The following SEMA3E variants were observed in gnomAD, a reference collection of about 807,000 sequenced individuals.
The protein encoded by SEMA3E is semaphorin-3E.
In SEMA3E, 49 loss-of-function variants were observed where a neutral mutation model predicts 93.6. That is an observed-to-expected ratio of 0.52 (90% CI 0.42 to 0.66). SEMA3E has a LOEUF of 0.66. SEMA3E is among the 30% of genes least tolerant of loss of function. The pLI is 0.00. For missense variants in SEMA3E, 906 were observed against 964.8 expected, an observed-to-expected ratio of 0.94 and a Z score of 0.81; for synonymous variants, 363 against 330.7, an observed-to-expected ratio of 1.10 and a Z score of -1.06.
At chr7:83,372,960 T>A (rs959966322) in intron 16 of SEMA3E, 1 of 152,186 alleles carries the variant, frequency 6.6e-6, no homozygotes, top group African/African-American at 2.4e-5. Context: ...TACAGAATTG[T>A]TTTCATCCAT....
At chr7:83,533,469 G>A (rs973620034) in intron 1 of SEMA3E, among the ~76,000 whole-genome samples, 2 of 152,100 alleles carry the variant, frequency 1.3e-5, no homozygotes, top group African/African-American at 2.4e-5. Context: ...GCTTGAACCC[G>A]GGAGGCGGAG....
chr7:83,571,228 C>T (rs1792279896), intron 1 of SEMA3E, among the ~76,000 whole-genome samples: 1 of 152,114 alleles, frequency 6.6e-6, no homozygotes, highest in African/African-American at 2.4e-5. Context: ...TCCACAAAGC[C>T]AGCATCATTC....
At chr7:83,642,775 A>C (rs1794031376) in intron 1 of SEMA3E, among the ~76,000 whole-genome samples, 1 of 152,058 alleles carries the variant, frequency 6.6e-6, no homozygotes, top group Non-Finnish European at 1.5e-5. Context: ...CCAAGAAAAT[A>C]ATCTAAATCT....
At chr7:83,368,865 G>A (rs1055081573) in intron 16 of SEMA3E, among the ~76,000 whole-genome samples, 1 of 152,174 alleles carries the variant, frequency 6.6e-6, no homozygotes, top group African/African-American at 2.4e-5. Flanking sequence ...TAAATGATTT[G>A]ACATTAGGCA....
chr7:83,416,066 T>G (rs1317316758), intron 5 of SEMA3E, among the ~76,000 whole-genome samples: 1 of 152,096 alleles, frequency 6.6e-6, no homozygotes, highest in Non-Finnish European at 1.5e-5. Context: ...TTTCACTTCC[T>G]CTCTTTTAAA....
chr7:83,446,278 T>G (rs1357477913), intron 4 of SEMA3E, among the ~76,000 whole-genome samples: 1 of 152,218 alleles, frequency 6.6e-6, no homozygotes, highest in African/African-American at 2.4e-5. Context: ...TAAAAAAGAT[T>G]GACCACATGT....
chr7:83,456,016 A>G (rs2115837618), intron 4 of SEMA3E, among the ~76,000 whole-genome samples: 1 of 152,372 alleles, frequency 6.6e-6, no homozygotes, highest in South Asian at 2.1e-4. Flanking sequence ...AGAAACTGTG[A>G]GATAATAAGT....
intron 1 of SEMA3E, among the ~76,000 whole-genome samples, chr7:83,552,813 G>C (rs548558186): frequency 1.3e-5 from 2 of 152,080 alleles, no homozygotes; most frequent in African/African-American, 4.8e-5. Flanking sequence ...CTTGAACCCT[G>C]TTTTCTGTTA....
In SEMA3E at chr7:83,526,569, A is replaced by T. The variant is rs552720447; in HGVS notation, c.116-36295T>A. On this transcript the variant is annotated intron_variant, in intron 1 of 16. Transcript: ENST00000643230. Reference sequence around the variant, plus strand: ...TTCAATTCCTGAAGCTTTGGAGGAGATTCCATGGAACAAATCAAGTTTTTT... The same window carrying T: ...TTCAATTCCTGAAGCTTTGGAGGAGTTTCCATGGAACAAATCAAGTTTTTT... Among the ~76,000 whole-genome samples, 14 of 152,160 alleles carry T rather than the reference A, an allele frequency of 9.2e-5. 1 individual carries two copies. The South Asian group carries it at 2.5e-3, about 27-fold the overall frequency.
intron 1 of SEMA3E, among the ~76,000 whole-genome samples, chr7:83,547,338 T>A (rs568749128): frequency 9.9e-5 from 15 of 152,208 alleles, no homozygotes; most frequent in African/African-American, 3.6e-4. Context: ...TGAGACTAGT[T>A]CATCGAGATG....
At chr7:83,439,450 A>G (rs1253015014) in intron 4 of SEMA3E, among the ~76,000 whole-genome samples, 2 of 152,220 alleles carry the variant, frequency 1.3e-5, no homozygotes, top group Non-Finnish European at 2.9e-5. Flanking sequence ...AAAGTCTTTC[A>G]TGATCATCAG....
At position 83,516,894 on chromosome 7, in the gene SEMA3E, T is replaced by G. The variant is rs1027179410; in HGVS notation, c.116-26620A>C. Among the ~76,000 whole-genome samples, 7 of 150,966 alleles carry G rather than the reference T, an allele frequency of 4.6e-5. 1 individual carries two copies. The East Asian group carries it at 1.2e-3, about 25-fold the overall frequency. On this transcript the variant is annotated intron_variant, in intron 1 of 16. Transcript: ENST00000643230. ...TAAATTTTAGTAATAACAGTAATAA[T>G]GTACACTCATAAACACATACATGCA...
intron 1 of SEMA3E, among the ~76,000 whole-genome samples, chr7:83,554,693 C>G (rs1301273833): frequency 6.6e-6 from 1 of 152,100 alleles, no homozygotes; most frequent in African/African-American, 2.4e-5. Flanking sequence ...ACATGTGCTT[C>G]TCTCTGGGTG....
At chr7:83,497,575 T>C (rs1248455043) in intron 1 of SEMA3E, among the ~76,000 whole-genome samples, 1 of 152,234 alleles carries the variant, frequency 6.6e-6, no homozygotes, top group Non-Finnish European at 1.5e-5. Flanking sequence ...AGGAAAAGGT[T>C]TCTCACAACA....
chr7:83,403,836 C>T (rs2722979), intron 9 of SEMA3E, among the ~76,000 whole-genome samples: 101,327 of 151,744 alleles, frequency 0.67, 39,134 homozygotes, highest in East Asian at 1. Flanking sequence ...AGTGGTAGCA[C>T]GCCTTTGATC....
chr7:83,461,379 A>T (rs2466435), intron 4 of SEMA3E, among the ~76,000 whole-genome samples: 151,364 of 152,236 alleles, frequency 0.99, 75,250 homozygotes, highest in East Asian at 1. Context: ...TCCCAATTCT[A>T]CCTCAGCCTC....
chr7:83,399,603 C>T (rs1788196705), intron 11 of SEMA3E, among the ~76,000 whole-genome samples: 1 of 152,188 alleles, frequency 6.6e-6, no homozygotes. Context: ...TCTACTTCCA[C>T]TATGAGAACT....
chr7:83,610,924 A>G (rs1040670717), intron 1 of SEMA3E, among the ~76,000 whole-genome samples: 7 of 152,064 alleles, frequency 4.6e-5, no homozygotes, highest in Admixed American at 2.6e-4. Context: ...GACCTAGCAA[A>G]CTGATAAACA....
intron 4 of SEMA3E, among the ~76,000 whole-genome samples, chr7:83,425,658 T>A (rs1788755405): frequency 6.6e-6 from 1 of 152,230 alleles, no homozygotes; most frequent in Admixed American, 6.5e-5. Flanking sequence ...TCTAAAATGC[T>A]GCTTTTATAG....
Sources: allele counts gnomAD v4.1 joint callset (sites outside exome capture counted in the v4.1 genomes callset), GRCh38; gene constraint gnomAD v4.1.1; transcripts MANE v1.5; gene names NCBI Gene and HGNC (gene_info 2026-07-23, HGNC 2026-07-21).